The following OSBPL9 variants were observed in gnomAD, a reference collection of about 807,000 sequenced individuals.
The protein encoded by OSBPL9 is oxysterol-binding protein-related protein 9.
A neutral mutation model predicts 106.6 loss-of-function variants in OSBPL9; 40 were observed. The ratio of observed to expected loss-of-function variants is 0.38; its 90% CI spans 0.29 to 0.49. The LOEUF (loss-of-function observed/expected upper bound fraction) is 0.49, where lower values mean the gene tolerates loss of function less well. Ranked by LOEUF, OSBPL9 falls within the 20% of genes least tolerant of loss-of-function variation. OSBPL9 has a pLI of 0.97. For synonymous variants in OSBPL9, 269 were observed against 295.4 expected (o/e 0.91, Z 0.92); for missense variants, 609 against 887.2 (o/e 0.69, Z 3.98).
chr1:51,607,158 C>T (rs1184496358), intron 2 of OSBPL9, among the ~76,000 whole-genome samples: 59 of 147,408 alleles, frequency 4.0e-4, no homozygotes, highest in African/African-American at 1.4e-3. Flanking sequence ...CTTTTCTTTT[C>T]TTTTTCTTTT....
chr1:51,668,687 G>T (rs960697325), intron 2 of OSBPL9, among the ~76,000 whole-genome samples: 1 of 152,146 alleles, frequency 6.6e-6, no homozygotes, highest in African/African-American at 2.4e-5. Context: ...TACCCAGTCC[G>T]CCTTCCCAAA....
chr1:51,748,447 A>T (rs1668494430), intron 7 of OSBPL9, 49 bp downstream of exon 7: 4 of 1,432,912 alleles, frequency 2.8e-6, no homozygotes, highest in Non-Finnish European at 3.7e-6. Context: ...AAAATGTTTT[A>T]AAAAGTTATT....
chr1:51,731,174 G>A (rs539931876), intron 4 of OSBPL9, among the ~76,000 whole-genome samples: 5 of 152,170 alleles, frequency 3.3e-5, no homozygotes, highest in African/African-American at 1.2e-4. Context: ...TGGTGGCTCA[G>A]ACTGCAATCC....
At chr1:51,718,257 C>A (rs557158216) in intron 4 of OSBPL9, among the ~76,000 whole-genome samples, 1 of 151,618 alleles carries the variant, frequency 6.6e-6, no homozygotes, top group South Asian at 2.1e-4. Context: ...TTAATGGGTA[C>A]AAAAAAATGA....
At chr1:51,784,788 T>TA (rs1557876391) in intron 20 of OSBPL9, 1 of 614,190 alleles carries the variant, frequency 1.6e-6, no homozygotes, top group African/African-American at 1.9e-5. Context: ...AGGTCATTGA[T>TA]AGGTTTCCTT....
intron 4 of OSBPL9, among the ~76,000 whole-genome samples, chr1:51,717,154 A>G (rs1031325964): frequency 6.6e-6 from 1 of 151,840 alleles, no homozygotes; most frequent in Non-Finnish European, 1.5e-5. Flanking sequence ...TTTTGTAGAG[A>G]TGCGGTTTTG....
chr1:51,665,846 G>A (rs1006213894), intron 2 of OSBPL9, among the ~76,000 whole-genome samples: 1 of 152,050 alleles, frequency 6.6e-6, no homozygotes, highest in African/African-American at 2.4e-5. Flanking sequence ...GTGCTCCAGA[G>A]AAATGTTTTG....
chr1:51,563,200 G>A, the OSBPL9 span, among the ~76,000 whole-genome samples: 3 of 152,090 alleles, frequency 2.0e-5, no homozygotes, highest in Non-Finnish European at 4.4e-5. Flanking sequence ...ACAGAGCAAC[G>A]CTCTGTCTCA....
upstream of OSBPL9, among the ~76,000 whole-genome samples, chr1:51,573,094 C>A (rs1645160403): frequency 6.6e-6 from 1 of 152,142 alleles, no homozygotes; most frequent in Admixed American, 6.5e-5. Context: ...TGCCTGTAGT[C>A]CCAGCTACTT....
intron 3 of OSBPL9, among the ~76,000 whole-genome samples, chr1:51,682,356 G>A (rs986183841): frequency 2.6e-5 from 4 of 152,192 alleles, no homozygotes; most frequent in Non-Finnish European, 5.9e-5. Flanking sequence ...AAATCAGTAT[G>A]TTGAGGAGAT....
intron 8 of OSBPL9, among the ~76,000 whole-genome samples, chr1:51,755,507 T>C (rs1260321924): frequency 1.3e-5 from 2 of 152,220 alleles, no homozygotes; most frequent in African/African-American, 4.8e-5. Context: ...TTTTGAGTTT[T>C]GGTTTTTTCC....
At chr1:51,551,998 T>TGTGTGTGTGC in the OSBPL9 span, among the ~76,000 whole-genome samples, 1 of 151,854 alleles carries the variant, frequency 6.6e-6, no homozygotes, top group African/African-American at 2.4e-5. Context: ...TGTGTGTGTG[T>TGTGTGTGTGC]GTTTAGTTTG....
intron 8 of OSBPL9, chr1:51,752,543 T>C (rs1156753456): frequency 8.8e-6 from 4 of 456,028 alleles, no homozygotes; most frequent in African/African-American, 8.0e-5. Context: ...TTACCACTTG[T>C]ATTAGTCTGC....
the OSBPL9 span, among the ~76,000 whole-genome samples, chr1:51,535,511 T>C: frequency 6.6e-6 from 1 of 152,274 alleles, no homozygotes; most frequent in Non-Finnish European, 1.5e-5. Context: ...GTTATCTCCA[T>C]ACTGTTTCTA....
the OSBPL9 span, among the ~76,000 whole-genome samples, chr1:51,541,286 ATC>A: frequency 6.6e-6 from 1 of 152,142 alleles, no homozygotes; most frequent in Non-Finnish European, 1.5e-5. Context: ...CTCTAGAAAT[ATC>A]TGTTGTCTAT....
At chr1:51,770,222 A>G (rs572406174) in intron 12 of OSBPL9, among the ~76,000 whole-genome samples, 17 of 151,252 alleles carry the variant, frequency 1.1e-4, no homozygotes, top group African/African-American at 4.1e-4. Context: ...GCTTATTGCA[A>G]CCTCCACCTC....
intron 3 of OSBPL9, among the ~76,000 whole-genome samples, chr1:51,671,177 T>C (rs1046010824): frequency 6.6e-6 from 1 of 152,242 alleles, no homozygotes; most frequent in African/African-American, 2.4e-5. Flanking sequence ...TATGGGAGTT[T>C]TAGCATGAGA....
intron 22 of OSBPL9, 95 bp from the exon 23 acceptor site, chr1:51,787,258 C>T: frequency 3.3e-6 from 4 of 1,217,826 alleles, no homozygotes; most frequent in Non-Finnish European, 4.7e-6. Context: ...TGACCTACAG[C>T]ACTTAAAGCC....
intron 1 of OSBPL9, among the ~76,000 whole-genome samples, chr1:51,588,874 CT>C (rs1286759097): frequency 6.6e-6 from 1 of 152,122 alleles, no homozygotes; most frequent in Non-Finnish European, 1.5e-5. Context: ...GATCCAGGCA[CT>C]TTTCTAGTTT....
Sources: allele counts gnomAD v4.1 joint callset (sites outside exome capture counted in the v4.1 genomes callset), GRCh38; gene constraint gnomAD v4.1.1; transcripts MANE v1.5; gene names NCBI Gene and HGNC (gene_info 2026-07-23, HGNC 2026-07-21).